GPC6: variants seen among roughly 807,000 people sequenced by gnomAD.
The protein encoded by GPC6 is glypican-6.
In GPC6, 14 loss-of-function variants were observed where a neutral mutation model predicts 55.2. The observed-to-expected ratio is 0.25, with a 90% CI of 0.17 to 0.40. The LOEUF (loss-of-function observed/expected upper bound fraction) is 0.40, where lower values mean the gene tolerates loss of function less well. GPC6 is among the 10% of genes least tolerant of loss of function. The pLI is 1.00. For synonymous variants in GPC6, 278 were observed against 259.6 expected, an observed-to-expected ratio of 1.07 and a Z score of -0.68; for missense variants, 641 against 708.5, an observed-to-expected ratio of 0.90 and a Z score of 1.08.
chr13:93,931,615 T>A (rs1395190290), intron 3 of GPC6, among the ~76,000 whole-genome samples: 4 of 151,536 alleles, frequency 2.6e-5, no homozygotes, highest in Non-Finnish European at 5.9e-5. Context: ...AATATAAAAC[T>A]TAGCTGGACG....
chr13:94,361,698 T>C (rs939792468), intron 6 of GPC6, among the ~76,000 whole-genome samples: 2 of 152,242 alleles, frequency 1.3e-5, no homozygotes, highest in Admixed American at 1.3e-4. Context: ...ATCTTGTAAA[T>C]GTAGAAATGG....
intron 3 of GPC6, among the ~76,000 whole-genome samples, chr13:93,841,178 G>A (rs57433205): frequency 0.034 from 5,158 of 152,156 alleles, 269 homozygotes; most frequent in East Asian, 0.17. Flanking sequence ...CAATATCAGC[G>A]CACTATAGAG....
rs181199059 is a variant in GPC6 at position 93,477,985 on chromosome 13, G to A, written c.161-67278G>A. 5.8e-3 allele frequency among the ~76,000 whole-genome samples: 831 copies of A among 143,542 alleles called. 3 individuals carry two copies. Among genetic ancestry groups the A allele is most frequent in the South Asian group, 0.011 (49 of 4,374 alleles). The allele number at this position is 143,542 out of a possible 152,430, so 94.2% of individuals were successfully genotyped here. A position where few individuals can be genotyped will look rare whatever the true frequency, so the allele number is the denominator to read the frequency against. ...TTAATGGTACTTGGATTATCTCTTT[G>A]CATTTTTTTTGTCTTATTACATCTG... is the stretch of plus-strand genomic sequence containing the variant. On this transcript the variant is annotated intron_variant, in intron 1 of 8. Transcript: ENST00000377047.
intron 2 of GPC6, among the ~76,000 whole-genome samples, chr13:93,811,249 A>G (rs771015257): frequency 3.3e-5 from 5 of 152,212 alleles, no homozygotes; most frequent in Non-Finnish European, 7.4e-5. Flanking sequence ...TTATTCCACA[A>G]TCAATTTGCA....
At chr13:93,629,518 G>T (rs941204661) in intron 2 of GPC6, among the ~76,000 whole-genome samples, 2 of 152,026 alleles carry the variant, frequency 1.3e-5, no homozygotes, top group African/African-American at 4.8e-5. Flanking sequence ...TCACAATTAG[G>T]TCATACAGTT....
At chr13:94,213,150 T>G (rs1004258664) in intron 4 of GPC6, among the ~76,000 whole-genome samples, 1 of 152,146 alleles carries the variant, frequency 6.6e-6, no homozygotes, top group Non-Finnish European at 1.5e-5. Flanking sequence ...AGCAAGACTG[T>G]GTCTCAAAAA....
Position 94,316,580 on chromosome 13 carries a change from A to G in GPC6, c.1152+10457A>G, listed in dbSNP as rs1024461694. Among the ~76,000 whole-genome samples the G allele has an allele frequency of 6.0e-4, 91 of 150,784 alleles. 2 individuals are homozygous for G. The highest frequency in any genetic ancestry group is 4.0e-4 in the Admixed American group (6 of 15,184). On this transcript the variant is annotated intron_variant, in intron 6 of 8. Coordinates refer to ENST00000377047, the MANE Select transcript of GPC6 (RefSeq NM_005708.5). The stretch of plus-strand genomic sequence containing the variant: ...AAAATACAAAAAATTAGCCGGGCGT[A>G]GTGGCGGGCGCCTGTAGTCCCAGCT...
chr13:93,268,377 T>C (rs1013978488), intron 1 of GPC6, among the ~76,000 whole-genome samples: 1 of 152,178 alleles, frequency 6.6e-6, no homozygotes. Flanking sequence ...TAGAAACAAG[T>C]CTTGAATAAT....
chr13:93,511,956 T>C (rs887366707), intron 1 of GPC6, among the ~76,000 whole-genome samples: 4 of 152,064 alleles, frequency 2.6e-5, no homozygotes, highest in Admixed American at 6.6e-5. Flanking sequence ...TTAAATGGGA[T>C]TGCCTGCTTG....
chr13:93,270,683 A>C (rs1877487460), intron 1 of GPC6, among the ~76,000 whole-genome samples: 1 of 149,740 alleles, frequency 6.7e-6, no homozygotes, highest in East Asian at 2.0e-4. Context: ...TAGCATTTTC[A>C]CATTTTCCTT....
At chr13:93,945,606 G>A (rs755379762) in intron 3 of GPC6, among the ~76,000 whole-genome samples, 1 of 152,184 alleles carries the variant, frequency 6.6e-6, no homozygotes, top group Admixed American at 6.5e-5. Context: ...TAGGGAAGCC[G>A]AAAGACATTG....
intron 1 of GPC6, among the ~76,000 whole-genome samples, chr13:93,310,699 G>A (rs1281067430): frequency 6.6e-6 from 1 of 151,998 alleles, no homozygotes; most frequent in Non-Finnish European, 1.5e-5. Flanking sequence ...TAAACTTTTT[G>A]AAAATGCGAC....
Position 94,027,986 on chromosome 13 carries a change from C to G in GPC6, c.877+92C>G, listed in dbSNP as rs1033192398. ...GGGTGGGTCAGAAGTTATAAGAAAC[C>G]AGACACAGTGGTTCACATCTGTAAT... is the stretch of plus-strand genomic sequence containing the variant. On this transcript the variant is annotated intron_variant, in intron 4 of 8. Transcript: ENST00000377047. 4.4e-6 allele frequency: 5 copies of G among 1,146,680 alleles called. No homozygotes were observed. The African/African-American group carries it at 6.0e-5, about 14-fold the overall frequency. The allele number at this position is 1,146,680 out of a possible 1,614,324, so 71.0% of individuals were successfully genotyped here.
chr13:94,314,102 G>A (rs929998961), intron 6 of GPC6, among the ~76,000 whole-genome samples: 3 of 152,128 alleles, frequency 2.0e-5, no homozygotes, highest in Non-Finnish European at 4.4e-5. Context: ...TCATCAAAAG[G>A]CAAGTGACTG....
chr13:93,560,851 C>T (rs957327959), intron 2 of GPC6, among the ~76,000 whole-genome samples: 1 of 151,748 alleles, frequency 6.6e-6, no homozygotes, highest in Middle Eastern at 3.4e-3. Context: ...ACTTTGATAA[C>T]AAAGCAGAAA....
intron 1 of GPC6, among the ~76,000 whole-genome samples, chr13:93,314,292 TG>T (rs1879169086): frequency 6.6e-6 from 1 of 152,120 alleles, no homozygotes; most frequent in Non-Finnish European, 1.5e-5. Context: ...CCATTGTAGG[TG>T]AGACTGACCT....
At chr13:94,387,918 T>C (rs1037012433) in intron 7 of GPC6, among the ~76,000 whole-genome samples, 1 of 152,144 alleles carries the variant, frequency 6.6e-6, no homozygotes, top group Non-Finnish European at 1.5e-5. Context: ...GTCTGTGGGA[T>C]TTTTGTCATA....
chr13:93,252,243 C>G (rs1225129404), intron 1 of GPC6, among the ~76,000 whole-genome samples: 1 of 152,130 alleles, frequency 6.6e-6, no homozygotes, highest in East Asian at 1.9e-4. Context: ...AAATTTAAGA[C>G]TTCAACTATC....
At chr13:93,889,577 C>T (rs995493876) in intron 3 of GPC6, among the ~76,000 whole-genome samples, 2 of 152,100 alleles carry the variant, frequency 1.3e-5, no homozygotes, top group African/African-American at 4.8e-5. Context: ...TACTAGGTAT[C>T]ACTAAGATTA....
Sources: allele counts gnomAD v4.1 joint callset (sites outside exome capture counted in the v4.1 genomes callset), GRCh38; gene constraint gnomAD v4.1.1; transcripts MANE v1.5; gene names NCBI Gene and HGNC (gene_info 2026-07-23, HGNC 2026-07-21).